PRR16: variants seen among roughly 807,000 people sequenced by gnomAD.
PRR16 encodes the protein proline rich 16.
Under a neutral mutation model 18.2 loss-of-function variants are expected in PRR16, and 6 were observed. The ratio of observed to expected loss-of-function variants is 0.33; its 90% CI spans 0.18 to 0.65. PRR16 has a LOEUF of 0.65. PRR16 is among the 30% of genes least tolerant of loss of function. The pLI is 0.74. For missense variants in PRR16, 412 were observed against 376.6 expected (o/e 1.09, Z -0.78); for synonymous variants, 151 against 147.8 (o/e 1.02, Z -0.16).
At chr5:120,750,926 T>G in the PRR16 span, among the ~76,000 whole-genome samples, 22 of 152,272 alleles carry the variant, frequency 1.4e-4, no homozygotes, top group East Asian at 1.4e-3. Flanking sequence ...ATCCAACCCC[T>G]ATTTATCCCC....
chr5:120,545,593 A>G (rs7728478), intron 1 of PRR16, among the ~76,000 whole-genome samples: 32,200 of 152,004 alleles, frequency 0.21, 3,541 homozygotes, highest in African/African-American at 0.22. Context: ...TTTATGAATT[A>G]AATTCTTTTG....
At chr5:120,543,174 A>C (rs1334589310) in intron 1 of PRR16, among the ~76,000 whole-genome samples, 1 of 152,284 alleles carries the variant, frequency 6.6e-6, no homozygotes, top group South Asian at 2.1e-4. Context: ...TCTTAAGAAA[A>C]CGGTTGAGCT....
intron 1 of PRR16, among the ~76,000 whole-genome samples, chr5:120,632,320 C>A (rs1469805052): frequency 6.6e-6 from 1 of 152,042 alleles, no homozygotes; most frequent in Admixed American, 6.6e-5. Context: ...AAACAAGGTT[C>A]TTTAACACCC....
intron 1 of PRR16, among the ~76,000 whole-genome samples, chr5:120,520,852 A>C (rs999508734): frequency 6.6e-6 from 1 of 151,940 alleles, no homozygotes; most frequent in Non-Finnish European, 1.5e-5. Context: ...TATTGTATTG[A>C]TTATATATTT....
Position 120,575,318 on chromosome 5 carries a change from AAC to A in PRR16, c.160-110601_160-110600del, listed in dbSNP as rs3047956. On this transcript the variant is annotated intron_variant, in intron 1 of 1. Transcript: ENST00000407149. ...CCTTGATTACAAAACCAGACAAGGA[AAC>A]ACACACACACACACACACACACACA... is the stretch of plus-strand genomic sequence containing the variant. 4.1e-3 allele frequency among the ~76,000 whole-genome samples: 562 copies of A among 138,222 alleles called. 3 individuals are homozygous for A. Among genetic ancestry groups the A allele is most frequent in the East Asian group, 0.016 (73 of 4,660 alleles). 90.7% of individuals were successfully genotyped at this position (138,222 alleles called of 152,430 possible).
intron 1 of PRR16, among the ~76,000 whole-genome samples, chr5:120,681,098 T>C (rs1472879862): frequency 1.3e-5 from 2 of 152,146 alleles, no homozygotes; most frequent in Admixed American, 1.3e-4. Context: ...CAGCAATCAC[T>C]ACTTTTATAC....
At chr5:120,489,998 G>A (rs1416000294) in intron 1 of PRR16, among the ~76,000 whole-genome samples, 1 of 152,150 alleles carries the variant, frequency 6.6e-6, no homozygotes, top group East Asian at 1.9e-4. Flanking sequence ...CTTCTGGCTT[G>A]TAGAGTTTCT....
chr5:120,747,690 A>T, the PRR16 span, among the ~76,000 whole-genome samples: 1 of 152,266 alleles, frequency 6.6e-6, no homozygotes, highest in Admixed American at 6.5e-5. Context: ...CATGTAGAAT[A>T]AGGCGCTTTT....
At chr5:120,720,312 T>A in the PRR16 span, among the ~76,000 whole-genome samples, 3 of 152,034 alleles carry the variant, frequency 2.0e-5, no homozygotes, top group Non-Finnish European at 4.4e-5. Flanking sequence ...ATTTTTATTC[T>A]GCCATTTTTC....
At chr5:120,711,959 C>T in the PRR16 span, among the ~76,000 whole-genome samples, 3 of 152,134 alleles carry the variant, frequency 2.0e-5, no homozygotes, top group South Asian at 6.2e-4. Context: ...CCAGAAAATT[C>T]TGTGTCTAAG....
chr5:120,735,164 A>T, the PRR16 span, among the ~76,000 whole-genome samples: 1 of 152,186 alleles, frequency 6.6e-6, no homozygotes, highest in Non-Finnish European at 1.5e-5. Flanking sequence ...CTCAAAGTTC[A>T]TTCATGTTGT....
intron 1 of PRR16, among the ~76,000 whole-genome samples, chr5:120,544,240 A>G (rs1752004518): frequency 6.6e-6 from 1 of 152,144 alleles, no homozygotes; most frequent in South Asian, 2.1e-4. Context: ...AGCCCAGAGG[A>G]ATGCCAGATC....
At chr5:120,773,218 G>A in the PRR16 span, among the ~76,000 whole-genome samples, 405 of 152,128 alleles carry the variant, frequency 2.7e-3, 2 homozygotes, top group African/African-American at 9.2e-3. Context: ...ACATGAATAA[G>A]AGTCCCCAAA....
At chr5:120,741,360 C>T in the PRR16 span, among the ~76,000 whole-genome samples, 1 of 152,096 alleles carries the variant, frequency 6.6e-6, no homozygotes, top group Non-Finnish European at 1.5e-5. Flanking sequence ...TGCTACTCAA[C>T]CCAGCTTTCT....
intron 1 of PRR16, among the ~76,000 whole-genome samples, chr5:120,620,005 A>T (rs1351074080): frequency 6.6e-6 from 1 of 152,102 alleles, no homozygotes; most frequent in African/African-American, 2.4e-5. Context: ...ATGAAATAAG[A>T]ATGTATAGTG....
intron 1 of PRR16, among the ~76,000 whole-genome samples, chr5:120,516,539 C>T (rs1051376995): frequency 1.8e-4 from 27 of 148,834 alleles, no homozygotes; most frequent in African/African-American, 4.7e-4. Flanking sequence ...AATTAGAAGG[C>T]ATTTATACTA....
intron 1 of PRR16, among the ~76,000 whole-genome samples, chr5:120,507,797 A>T (rs971122988): frequency 6.6e-6 from 1 of 151,752 alleles, no homozygotes; most frequent in Non-Finnish European, 1.5e-5. Flanking sequence ...GGGTGTCTTT[A>T]AAAAAAATTA....
At chr5:120,673,696 T>G (rs980367859) in intron 1 of PRR16, among the ~76,000 whole-genome samples, 105 of 152,184 alleles carry the variant, frequency 6.9e-4, no homozygotes, top group African/African-American at 2.5e-3. Flanking sequence ...CCCAGCACTT[T>G]GGGAGAATGA....
At chr5:120,540,280 G>A (rs1751868423) in intron 1 of PRR16, among the ~76,000 whole-genome samples, 1 of 152,114 alleles carries the variant, frequency 6.6e-6, no homozygotes, top group Non-Finnish European at 1.5e-5. Flanking sequence ...CCTCTTATCT[G>A]TTTGCACACA....
Sources: gnomAD v4.1 joint callset for allele counts (sites outside exome capture counted in the v4.1 genomes callset) on GRCh38, gnomAD v4.1.1 for gene constraint, MANE v1.5 for transcripts, NCBI Gene and HGNC (gene_info 2026-07-23, HGNC 2026-07-21) for gene names.